Variants in SMC1B observed in about 807,000 individuals in gnomAD.
The protein encoded by SMC1B is structural maintenance of chromosomes protein 1B.
SMC1B carries 60 observed loss-of-function variants against 157.9 expected under a neutral mutation model. That is an observed-to-expected ratio of 0.38 (90% CI 0.31 to 0.47). The LOEUF (loss-of-function observed/expected upper bound fraction) is 0.47. Among genes scored for constraint, SMC1B ranks in the 20% least tolerant of loss-of-function variants. The pLI, the probability that SMC1B is intolerant of heterozygous loss-of-function variation, is 0.99. For synonymous variants in SMC1B, 445 were observed against 483.0 expected, an observed-to-expected ratio of 0.92 and a Z score of 1.03; for missense variants, 1,165 against 1,426.2, an observed-to-expected ratio of 0.82 and a Z score of 2.95.
intron 24 of SMC1B, among the ~76,000 whole-genome samples, chr22:45,345,003 G>C (rs947603823): frequency 2.0e-5 from 3 of 152,118 alleles, no homozygotes; most frequent in African/African-American, 7.2e-5. Flanking sequence ...TATTTTCAAT[G>C]GCTTGAGAAA....
intron 16 of SMC1B, 123 bp from the exon 17 acceptor site, chr22:45,362,107 C>T (rs5764704): frequency 0.86 from 798,051 of 926,756 alleles, 344,447 homozygotes; most frequent in Non-Finnish European, 0.87. Flanking sequence ...TATGTGCTAC[C>T]TGACCTTCCA....
In SMC1B at chr22:45,344,378, A is replaced by G. The variant is rs2086528966; in HGVS notation, c.*178T>C. ...CTCACTGAAAACTTTCCCTACTAGA[A>G]TGAGGTCTGAACACTCAACTAAAGT... On this transcript the variant is annotated 3_prime_UTR_variant, in exon 25 of 25. Coordinates refer to ENST00000357450, the MANE Select transcript of SMC1B (RefSeq NM_148674.5). 2 of 434,934 alleles carry G rather than the reference A, an allele frequency of 4.6e-6. No homozygotes were observed. Among genetic ancestry groups the G allele is most frequent in the Non-Finnish European group, 8.3e-6 (2 of 242,384 alleles). The allele number at this position is 434,934 out of a possible 1,614,324, so 26.9% of individuals were successfully genotyped here. A position where few individuals can be genotyped will look rare whatever the true frequency, so the allele number is the denominator to read the frequency against.
At chr22:45,357,696 A>G (rs549730168) in intron 19 of SMC1B, among the ~76,000 whole-genome samples, 1 of 152,360 alleles carries the variant, frequency 6.6e-6, no homozygotes, top group East Asian at 1.9e-4. Context: ...TGCTGACATA[A>G]ACATTTTTTA....
chr22:45,372,472 TGCCATACA>T (rs1365480757), intron 12 of SMC1B, among the ~76,000 whole-genome samples, 180 bp from the exon 13 acceptor site: 3 of 152,104 alleles, frequency 2.0e-5, no homozygotes, highest in Non-Finnish European at 4.4e-5. Flanking sequence ...GTAACCAAAA[TGCCATACA>T]GCTTCCTCAA....
At chr22:45,364,654 T>G (rs533556219) in intron 15 of SMC1B, among the ~76,000 whole-genome samples, 1 of 152,174 alleles carries the variant, frequency 6.6e-6, no homozygotes, top group African/African-American at 2.4e-5. Flanking sequence ...GCTTAAGAAA[T>G]TTATTTGTGC....
intron 12 of SMC1B, 69 bp from the exon 13 acceptor site, chr22:45,372,361 AT>A (rs2086841935): frequency 7.5e-7 from 1 of 1,334,090 alleles, no homozygotes; most frequent in African/African-American, 1.5e-5. Context: ...AAGTGCTTTC[AT>A]ATGTAATAAT....
chr22:45,353,908 A>AAAC, intron 21 of SMC1B, 70 bp downstream of exon 21: 3 of 675,114 alleles, frequency 4.4e-6, no homozygotes, highest in East Asian at 8.2e-5. Flanking sequence ...AAAAAAAAAA[A>AAAC]AAAAAAAAAA....
intron 15 of SMC1B, among the ~76,000 whole-genome samples, chr22:45,366,836 C>T (rs749540198): frequency 1.3e-5 from 2 of 152,098 alleles, no homozygotes; most frequent in Admixed American, 6.6e-5. Context: ...TTCTTCATTC[C>T]TTTCATTCTT....
chr22:45,372,017 TGGGTGACA>T, intron 13 of SMC1B, 130 bp downstream of exon 13: 1 of 677,728 alleles, frequency 1.5e-6, no homozygotes, highest in South Asian at 2.8e-5. Flanking sequence ...CACTCCAGCC[TGGGTGACA>T]GAGTGAGAGA....
rs3833396 is a variant in SMC1B, at chr22:45,353,893, C to CAAAAAAAAAA, written c.3273+75_3273+84dup. The CAAAAAAAAAA allele has an allele frequency of 6.3e-3, 1,566 of 247,462 alleles. 410 individuals are homozygous for CAAAAAAAAAA. Among genetic ancestry groups the CAAAAAAAAAA allele is most frequent in the Admixed American group, 7.0e-3 (65 of 9,300 alleles). The allele number at this position is 247,462 out of a possible 1,614,324, so 15.3% of individuals were successfully genotyped here. Reference sequence around the variant, plus strand: ...TAATGTGGCAGTGGTTATTTCCCACCAAAAAAAAAAAAAAAAAAAAAAAAA... The same window carrying CAAAAAAAAAA: ...TAATGTGGCAGTGGTTATTTCCCACCAAAAAAAAAAAAAAAAAAAAAAAAAAAAAAAAAAA... On this transcript the variant is annotated intron_variant, in intron 21 of 24. Transcript: ENST00000357450.
At chr22:45,410,939 AAGAC>A (rs1360864544) in intron 1 of SMC1B, among the ~76,000 whole-genome samples, 1 of 152,242 alleles carries the variant, frequency 6.6e-6, no homozygotes, top group Non-Finnish European at 1.5e-5. Flanking sequence ...GGGCTATTGT[AAGAC>A]AGTGCATATG....
chr22:45,384,018 C>T (rs1310152789), intron 11 of SMC1B, among the ~76,000 whole-genome samples: 1 of 152,184 alleles, frequency 6.6e-6, no homozygotes, highest in Non-Finnish European at 1.5e-5. Context: ...AATTTAGGTT[C>T]CCACAGCAGT....
intron 12 of SMC1B, among the ~76,000 whole-genome samples, chr22:45,376,864 G>C (rs1267018470): frequency 6.6e-6 from 1 of 152,126 alleles, no homozygotes; most frequent in Admixed American, 6.6e-5. Context: ...CTGCGTTCCA[G>C]TCAGGAGGAA....
intron 1 of SMC1B, among the ~76,000 whole-genome samples, chr22:45,412,185 T>C (rs2087346041): frequency 6.6e-6 from 1 of 150,448 alleles, no homozygotes; most frequent in Non-Finnish European, 1.5e-5. Flanking sequence ...CGGCCAATTT[T>C]ATTTTATATT....
chr22:45,393,725 T>C lies in SMC1B; in HGVS notation c.1454A>G (p.Gln485Arg). The change falls in exon 9 of 25, where the codon CAG becomes CGG. Residue 485 changes from glutamine (Q) to arginine (R), a missense_variant. By Grantham distance (43) the Gln-to-Arg change is conservative. Coordinates refer to ENST00000357450, the MANE Select transcript of SMC1B (RefSeq NM_148674.5). ...EELNLIRSEL[Q>R]NAGIDTHEGK... ...CTCATGGGTATCAATCCCAGCATTC[T>C]GCAATTCACTTCTAATAAGATTCAA... 6.2e-7 allele frequency: 1 copy of C among 1,614,122 alleles called. No homozygotes were observed. The highest frequency in any genetic ancestry group is 1.1e-5 in the South Asian group (1 of 91,082).
chr22:45,356,420 A>C (rs1004118959), intron 19 of SMC1B, among the ~76,000 whole-genome samples: 1 of 152,256 alleles, frequency 6.6e-6, no homozygotes, highest in Admixed American at 6.5e-5. Flanking sequence ...AGAGTATCTG[A>C]GACAGGTCTC....
chr22:45,356,905 G>C (rs1048620932), intron 19 of SMC1B, among the ~76,000 whole-genome samples: 1 of 151,626 alleles, frequency 6.6e-6, no homozygotes, highest in African/African-American at 2.4e-5. Flanking sequence ...AATTTTTTGT[G>C]TGTTTTTAGT....
Position 45,345,605 on chromosome 22 carries a change from G to A in SMC1B, c.3496-36C>T, listed in dbSNP as rs1260569774. ...TAAAAACACACATTTCACTAGGAAG[G>A]AAAGGCCTTGTCTGGGCTCTGGAGA... is the stretch of plus-strand genomic sequence containing the variant. On this transcript the variant is annotated intron_variant, in intron 23 of 24. Coordinates refer to ENST00000357450, the MANE Select transcript of SMC1B (RefSeq NM_148674.5). 3.1e-6 allele frequency: 4 copies of A among 1,311,138 alleles called. No individual in the cohort carries two copies. In the South Asian group the frequency reaches 3.5e-5, roughly 12 times the overall value. 81.2% of individuals were successfully genotyped at this position (1,311,138 alleles called of 1,614,324 possible). A position where few individuals can be genotyped will look rare whatever the true frequency, so the allele number is the denominator to read the frequency against.
In SMC1B at chr22:45,392,632, G is replaced by C. The variant is rs558818054; in HGVS notation, c.1545+1002C>G. 2.1e-3 allele frequency among the ~76,000 whole-genome samples: 321 copies of C among 152,238 alleles called. 1 individual carries two copies. Among genetic ancestry groups the C allele is most frequent in the Non-Finnish European group, 4.0e-3 (270 of 67,998 alleles). ...GAAAGTCAAAACAGATGCTATAAAG[G>C]AGATGAAGATGGGTGGCCAGAGACA... On this transcript the variant is annotated intron_variant, in intron 9 of 24. Coordinates refer to ENST00000357450, the MANE Select transcript of SMC1B (RefSeq NM_148674.5).
Sources: gnomAD v4.1 joint callset for allele counts (sites outside exome capture counted in the v4.1 genomes callset) on GRCh38, gnomAD v4.1.1 for gene constraint, MANE v1.5 for transcripts, NCBI Gene and HGNC (gene_info 2026-07-23, HGNC 2026-07-21) for gene names.